Variants in CGN observed in about 807,000 individuals in gnomAD.
CGN encodes cingulin.
A neutral mutation model predicts 157.1 loss-of-function variants in CGN; 121 were observed. The observed-to-expected ratio is 0.77, with a 90% CI of 0.66 to 0.90. CGN has a LOEUF of 0.90. CGN is among the 40% of genes least tolerant of loss of function. The probability of loss-of-function intolerance (pLI) is 0.00; values close to 1 mark genes in which losing one functional copy is unlikely to be tolerated. For missense variants in CGN, 1,424 were observed against 1,520.9 expected (o/e 0.94, Z 1.06); for synonymous variants, 535 against 607.5 (o/e 0.88, Z 1.76).
At chr1:151,530,376 T>C in intron 12 of CGN, 113 bp from the exon 13 acceptor site, 1 of 1,311,804 alleles carries the variant, frequency 7.6e-7, no homozygotes. Context: ...CCTGTTTTCA[T>C]TGCACATCAT....
intron 16 of CGN, 56 bp from the exon 17 acceptor site, chr1:151,535,544 T>C (rs1275904491): frequency 1.1e-5 from 15 of 1,381,746 alleles, no homozygotes; most frequent in Non-Finnish European, 1.2e-5. Flanking sequence ...TTTGTTCAGC[T>C]TGCTGGTTCA....
rs763179702 is a variant in CGN, at chr1:151,535,656, G to A, written c.3051G>A (p.Glu1017=). ...MQERSARQDL[E]CDKISLERQN... is the part of the protein sequence containing the mutation. ...AAAGGTCTGCTCGGCAGGACCTGGA[G>A]TGTGACAAAATCTCCTTGGAGAGAC... Residue 1017 remains glutamate (E), a synonymous_variant, in exon 17 of 21, where the codon GAG becomes GAA. Transcript: ENST00000271636. 6 of 1,614,176 alleles carry A rather than the reference G, an allele frequency of 3.7e-6. No individual in the cohort carries two copies. The highest frequency in any genetic ancestry group is 5.1e-6 in the Non-Finnish European group (6 of 1,180,014).
chr1:151,531,646 A>T lies in CGN; in HGVS notation c.2572-756A>T, dbSNP rs142122612. Among the ~76,000 whole-genome samples, 302 of 152,342 alleles carry T rather than the reference A, an allele frequency of 2.0e-3. 1 individual carries two copies. The highest frequency in any genetic ancestry group is 6.8e-3 in the African/African-American group (282 of 41,584). On this transcript the variant is annotated intron_variant, in intron 13 of 20. Transcript: ENST00000271636. ...CTACAGCAAGAGCCTGTCAAAAAAAAAAATCTTCATTGGTAGAATTTTAAA... is the reference window on the plus strand; with the variant it reads ...CTACAGCAAGAGCCTGTCAAAAAAATAAATCTTCATTGGTAGAATTTTAAA...
In CGN at chr1:151,525,529, C is replaced by T. The variant is rs561317765; in HGVS notation, c.1615-113C>T. The T allele has an allele frequency of 1.6e-4, 119 of 730,472 alleles. 1 individual carries two copies. The African/African-American group carries it at 2.0e-3, about 12-fold the overall frequency. The allele number at this position is 730,472 out of a possible 1,614,324, so 45.2% of individuals were successfully genotyped here. A position where few individuals can be genotyped will look rare whatever the true frequency, so the allele number is the denominator to read the frequency against. On this transcript the variant is annotated intron_variant, in intron 8 of 20. Transcript: ENST00000271636. ...GGTACCACAAGAGTGTCAGGGGGTG[C>T]ACCTGGCATGGTGCCCTCTGGGTCT... is the stretch of plus-strand genomic sequence containing the variant.
In CGN at chr1:151,520,277, G is replaced by GC. The variant is rs35469373; in HGVS notation, c.974+18dup. 2.9e-5 allele frequency: 46 copies of GC among 1,605,264 alleles called. No homozygotes were observed. The highest frequency in any genetic ancestry group is 3.2e-5 in the Non-Finnish European group (37 of 1,173,288). On this transcript the variant is annotated intron_variant, in intron 3 of 20. Transcript: ENST00000271636. Reference sequence around the variant, plus strand: ...CATCCTGAGGGAGGGGTGAGTGGGGGCCCCCCCAACAACAGAGGCATACCC... The same window carrying GC: ...CATCCTGAGGGAGGGGTGAGTGGGGGCCCCCCCCAACAACAGAGGCATACCC...
chr1:151,529,685 G>C lies in CGN; in HGVS notation c.2106+126G>C, dbSNP rs1454401625. On this transcript the variant is annotated intron_variant, in intron 11 of 20. Transcript: ENST00000271636. Reference sequence around the variant, plus strand: ...TGACCAGCTCCTGGGTCCTAGGCATGTGGTTCAAAGAAGCCAGGATTTGGC... The same window carrying C: ...TGACCAGCTCCTGGGTCCTAGGCATCTGGTTCAAAGAAGCCAGGATTTGGC... 3.2e-6 allele frequency: 3 copies of C among 931,640 alleles called. No individual in the cohort carries two copies. The African/African-American group carries it at 5.0e-5, about 16-fold the overall frequency. 57.7% of individuals were successfully genotyped at this position (931,640 alleles called of 1,614,324 possible). A position where few individuals can be genotyped will look rare whatever the true frequency, so the allele number is the denominator to read the frequency against.
intron 15 of CGN, 176 bp from the exon 16 acceptor site, chr1:151,534,866 G>C: frequency 1.7e-6 from 1 of 599,372 alleles, no homozygotes; most frequent in Non-Finnish European, 3.0e-6. Context: ...TGCCACATCT[G>C]GTCAGTAGAG....
At chr1:151,534,817 A>G (rs1178622222) in intron 15 of CGN, 1 of 509,078 alleles carries the variant, frequency 2.0e-6, no homozygotes, top group African/African-American at 1.9e-5. Flanking sequence ...CTTTCTGTCA[A>G]AGGGCCGTCA....
chr1:151,525,229 C>G (rs1664644645), intron 8 of CGN, among the ~76,000 whole-genome samples: 1 of 152,112 alleles, frequency 6.6e-6, no homozygotes, highest in South Asian at 2.1e-4. Context: ...GAAACCCCAT[C>G]TCTGCCAAAA....
At chr1:151,516,017 A>G (rs1335298553) in intron 1 of CGN, among the ~76,000 whole-genome samples, 1 of 152,228 alleles carries the variant, frequency 6.6e-6, no homozygotes, top group Non-Finnish European at 1.5e-5. Context: ...AAAAAGATGA[A>G]GAACAATTCC....
chr1:151,530,635 C>G lies in CGN; in HGVS notation c.2460C>G (p.Asn820Lys). The G allele has an allele frequency of 1.2e-6, 2 of 1,602,654 alleles. No homozygotes were observed. The highest frequency in any genetic ancestry group is 2.2e-5 in the South Asian group (2 of 90,004). ...ARLGQEQQTL[N>K]RALEEEGKQR... Reference sequence around the variant, plus strand: ...TGGGGCAGGAGCAGCAGACACTGAACCGGGCCCTGGAGGAGGAAGGGAAGC... The same window carrying G: ...TGGGGCAGGAGCAGCAGACACTGAAGCGGGCCCTGGAGGAGGAAGGGAAGC... The change falls in exon 13 of 21, where the codon AAC becomes AAG. Residue 820 changes from asparagine to lysine, a missense_variant. This residue lies in a region of CGN where 1,187 missense variants were observed against 1,217.6 expected (regional missense o/e 0.97). Transcript: ENST00000271636.
At chr1:151,532,662 C>T in intron 14 of CGN, 90 bp downstream of exon 14, 13 of 1,100,812 alleles carry the variant, frequency 1.2e-5, no homozygotes, top group Non-Finnish European at 1.5e-5. Flanking sequence ...CTCTGTCGCC[C>T]AGGCTGGAGT....
chr1:151,519,118 G>A lies in CGN; in HGVS notation c.599G>A (p.Arg200Gln), dbSNP rs768433517. ...CAGGCCCGGGGTCGGACTGGCCGCC[G>A]AACACGGATGCTACCCCCTGAACAG... ...GGQARGRTGR[R>Q]TRMLPPEQRK... Residue 200 changes from arginine (R) to glutamine (Q), a missense_variant, in exon 2 of 21, where the codon CGA becomes CAA. Around this residue, in one of 3 missense-constraint regions of CGN, gnomAD observed 1,187 missense variants for 1,217.6 expected, o/e 0.97. Transcript: ENST00000271636. The A allele has an allele frequency of 1.1e-5, 17 of 1,614,086 alleles. No individual in the cohort carries two copies. Among genetic ancestry groups the A allele is most frequent in the South Asian group, 3.3e-5 (3 of 91,082 alleles).
At chr1:151,533,171 G>A (rs1664877115) in intron 14 of CGN, among the ~76,000 whole-genome samples, 1 of 152,202 alleles carries the variant, frequency 6.6e-6, no homozygotes, top group African/African-American at 2.4e-5. Flanking sequence ...TCCAAGTTGT[G>A]TAGAGACTTT....
In CGN at chr1:151,518,980, A is replaced by G. The variant is rs750481885; in HGVS notation, c.461A>G (p.Asn154Ser). ...CCAGTGGATCCTAGTAACAGAAGCAACAGCATGCTGGAGCTAGCCCCGAAA... is the reference window on the plus strand; with the variant it reads ...CCAGTGGATCCTAGTAACAGAAGCAGCAGCATGCTGGAGCTAGCCCCGAAA... ...PGPVDPSNRSNSMLELAPKVA... is the reference protein window; with the variant it reads ...PGPVDPSNRSSSMLELAPKVA... Residue 154 changes from asparagine to serine, a missense_variant, in exon 2 of 21, where the codon AAC becomes AGC. Coordinates refer to ENST00000271636, the MANE Select transcript of CGN (RefSeq NM_020770.3). 6.2e-7 allele frequency: 1 copy of G among 1,614,172 alleles called. No individual in the cohort carries two copies.
At chr1:151,531,061 C>T (rs1664825525) in intron 13 of CGN, among the ~76,000 whole-genome samples, 1 of 151,770 alleles carries the variant, frequency 6.6e-6, no homozygotes, top group African/African-American at 2.4e-5. Flanking sequence ...GAGTCACTTG[C>T]ACCCGGAAGG....
chr1:151,524,814 G>T lies in CGN; in HGVS notation c.1542G>T (p.Glu514Asp), dbSNP rs778648879. 1.2e-6 allele frequency: 2 copies of T among 1,612,580 alleles called. No homozygotes were observed. Residue 514 changes from glutamate (E) to aspartate (D), a missense_variant, in exon 8 of 21, where the codon GAG becomes GAT. By Grantham distance (45) the Glu-to-Asp change is conservative. Transcript: ENST00000271636. This position sits in a 1 kb window ranked among gnomAD's most constrained non-coding sequence, Gnocchi z 4.4. ...AGGAGGTAGCCTCCCGTGACCAGGA[G>T]GTGGAACATGTCCGGCAGCAGTACC... ...LKEEVASRDQ[E>D]VEHVRQQYQR...
At chr1:151,513,438 A>C (rs1664344513) in intron 1 of CGN, among the ~76,000 whole-genome samples, 1 of 152,028 alleles carries the variant, frequency 6.6e-6, no homozygotes, top group Non-Finnish European at 1.5e-5. Flanking sequence ...TCTTATCTCT[A>C]ACTATGAGAA....
In CGN at chr1:151,527,120, T is replaced by TG. The variant is rs750340557; in HGVS notation, c.1896+19dup. 6.2e-7 allele frequency: 1 copy of TG among 1,613,802 alleles called. No individual in the cohort carries two copies. The highest frequency in any genetic ancestry group is 8.5e-7 in the Non-Finnish European group (1 of 1,179,966). Reference sequence around the variant, plus strand: ...GGTGCTCAAGAAGGTATTTGGGAATTGGGGGGCAGAATGGTAGGTAGGGGT... The same window carrying TG: ...GGTGCTCAAGAAGGTATTTGGGAATTGGGGGGGCAGAATGGTAGGTAGGGGT... On this transcript the variant is annotated intron_variant, in intron 10 of 20. Transcript: ENST00000271636.
Sources: gnomAD v4.1 joint callset for allele counts (sites outside exome capture counted in the v4.1 genomes callset) on GRCh38, gnomAD v4.1.1 for gene constraint, gnomAD v4.1.1 regional missense constraint, Gnocchi (gnomAD v3.1) non-coding constraint, MANE v1.5 for transcripts, NCBI Gene and HGNC (gene_info 2026-07-23, HGNC 2026-07-21) for gene names.